The following AP3B2 variants were observed in gnomAD, a reference collection of about 807,000 sequenced individuals.
AP3B2 encodes AP-3 complex subunit beta-2.
In AP3B2, 50 loss-of-function variants were observed where a neutral mutation model predicts 126.9. The observed-to-expected ratio is 0.39, with a 90% CI of 0.31 to 0.50. AP3B2 has a LOEUF of 0.50. Among genes scored for constraint, AP3B2 ranks in the 20% least tolerant of loss-of-function variants. The pLI, the probability that AP3B2 is intolerant of heterozygous loss-of-function variation, is 0.79. For missense variants in AP3B2, 1,177 were observed against 1,426.4 expected, an observed-to-expected ratio of 0.83 and a Z score of 2.82; for synonymous variants, 541 against 565.0, an observed-to-expected ratio of 0.96 and a Z score of 0.60.
rs1441573159 is a variant in AP3B2 at position 82,659,679 on chromosome 15, G to T, written c.3187C>A (p.Leu1063Ile). 33 of 1,613,818 alleles carry T rather than the reference G, an allele frequency of 2.0e-5. No individual in the cohort carries two copies. Among genetic ancestry groups the T allele is most frequent in the Non-Finnish European group, 2.6e-5 (31 of 1,179,872 alleles). ...FAGRTLTGGS[L>I]VLLTLDARPA... ...CGGGCATCCAGGGTCAGCAGAACGA[G>T]GCTTCCACCAGTCAGTGTCCTCCCT... The change falls in exon 27 of 27, where the codon CTC (leucine) becomes ATC (isoleucine). Residue 1063 changes from leucine to isoleucine, a missense_variant. By Grantham distance (5) the Leu-to-Ile change is conservative. Transcript: ENST00000535359.
At chr15:82,679,887 C>A in intron 9 of AP3B2, 87 bp from the exon 10 acceptor site, 1 of 1,258,976 alleles carries the variant, frequency 7.9e-7, no homozygotes, top group Non-Finnish European at 1.1e-6. Flanking sequence ...CCTGACCCAG[C>A]GCCCAGGATC....
In AP3B2 at chr15:82,661,895, G is replaced by A. The variant is rs1292562621; in HGVS notation, c.2946C>T (p.Ser982=). The A allele has an allele frequency of 6.2e-7, 1 of 1,613,934 alleles. No homozygotes were observed. Among genetic ancestry groups the A allele is most frequent in the Non-Finnish European group, 8.5e-7 (1 of 1,179,874 alleles). ...TCAGCTCCCCAACAGGTGGCTGAAT[G>A]GAGACGTAGAACTGTCGGGTCTGGG... ...LCTQTRQFYV[S]IQPPVGELMA... is the part of the protein sequence containing the mutation. The change falls in exon 25 of 27, where the codon TCC becomes TCT. Residue 982 remains serine (S), a synonymous_variant. Coordinates refer to ENST00000535359, the MANE Select transcript of AP3B2 (RefSeq NM_001278512.2).
At chr15:82,705,253 G>A (rs1596200558) in intron 1 of AP3B2, among the ~76,000 whole-genome samples, 1 of 151,274 alleles carries the variant, frequency 6.6e-6, no homozygotes, top group Non-Finnish European at 1.5e-5. Flanking sequence ...CCCCCAGCAG[G>A]CTTTAAAAGG....
intron 14 of AP3B2, among the ~76,000 whole-genome samples, chr15:82,669,827 C>A (rs2048118164): frequency 6.6e-6 from 1 of 150,738 alleles, no homozygotes; most frequent in South Asian, 2.1e-4. Context: ...CATGGAGAAA[C>A]CCTGTCTCTA....
At chr15:82,696,413 A>C (rs1055396782) in intron 1 of AP3B2, among the ~76,000 whole-genome samples, 1 of 152,118 alleles carries the variant, frequency 6.6e-6, no homozygotes, top group Non-Finnish European at 1.5e-5. Flanking sequence ...CCCCATCCCT[A>C]CTAAAATTAC....
At chr15:82,694,571 G>T (rs12438312) in intron 1 of AP3B2, among the ~76,000 whole-genome samples, 1 of 151,532 alleles carries the variant, frequency 6.6e-6, no homozygotes, top group Admixed American at 6.6e-5. Context: ...TGTAGTCACA[G>T]CTACTCAGGA....
chr15:82,664,712 C>T lies in AP3B2; in HGVS notation c.2137+123G>A, dbSNP rs2151429199. The T allele has an allele frequency of 8.6e-6, 8 of 934,034 alleles. No individual in the cohort carries two copies. The South Asian group carries it at 1.1e-4, about 13-fold the overall frequency. The allele number at this position is 934,034 out of a possible 1,614,324, so 57.9% of individuals were successfully genotyped here. ...CTGGAACATGAATCCCTCAGGTGCA[C>T]AAACAATTCACAAGCAGGTGCACAC... On this transcript the variant is annotated intron_variant, in intron 18 of 26. Coordinates refer to ENST00000535359, the MANE Select transcript of AP3B2 (RefSeq NM_001278512.2). The surrounding 1 kb of genome is among the most constrained non-coding windows in gnomAD (Gnocchi z 4.5).
chr15:82,700,397 C>CCTTTTTTTTTTTTTTTTTTT (rs2048699907), intron 1 of AP3B2, among the ~76,000 whole-genome samples: 1 of 35,086 alleles, frequency 2.9e-5, no homozygotes, highest in Non-Finnish European at 5.1e-5. Flanking sequence ...TGGTGGGTGG[C>CCTTTTTTTTTTTTTTTTTTT]TTTTTTTTTT....
intron 1 of AP3B2, among the ~76,000 whole-genome samples, chr15:82,696,235 A>G (rs1186103627): frequency 2.0e-5 from 3 of 152,212 alleles, no homozygotes; most frequent in Non-Finnish European, 4.4e-5. Flanking sequence ...TCAGCCCATA[A>G]TAGCAACAAA....
At chr15:82,709,543 C>T in intron 1 of AP3B2, 51 bp downstream of exon 1, 1 of 1,348,954 alleles carries the variant, frequency 7.4e-7, no homozygotes, top group African/African-American at 1.5e-5. Flanking sequence ...GCGCGCCTCG[C>T]CCGGTCCCCG....
At chr15:82,687,740 C>T (rs2048454662) in intron 4 of AP3B2, 1 of 152,222 alleles carries the variant, frequency 6.6e-6, no homozygotes, top group Non-Finnish European at 1.5e-5. Flanking sequence ...CCTGTCTACC[C>T]AGCAACCTAC....
Position 82,662,254 on chromosome 15 carries a change from TG to T in AP3B2, c.2834-3del. The T allele has an allele frequency of 6.3e-7, 1 of 1,592,130 alleles. No homozygotes were observed. The highest frequency in any genetic ancestry group is 8.6e-7 in the Non-Finnish European group (1 of 1,168,460). ...CAGATTCTCCAGGTGCCAGGGACTC[TG>T]AAGTGGTATAAGGCAGTGAAGGGGA... is the stretch of plus-strand genomic sequence containing the variant. On this transcript the variant is annotated splice_region_variant and splice_polypyrimidine_tract_variant and intron_variant, in intron 23 of 26. Coordinates refer to ENST00000535359, the MANE Select transcript of AP3B2 (RefSeq NM_001278512.2).
chr15:82,682,672 G>T (rs796499407), intron 4 of AP3B2, among the ~76,000 whole-genome samples: 21 of 150,492 alleles, frequency 1.4e-4, no homozygotes, highest in African/African-American at 4.7e-4. Context: ...AGCTACATAT[G>T]TTCATGCCAC....
chr15:82,663,110 T>G lies in AP3B2; in HGVS notation c.2604+17A>C. 6.3e-7 allele frequency: 1 copy of G among 1,596,748 alleles called. No homozygotes were observed. Among genetic ancestry groups the G allele is most frequent in the Non-Finnish European group, 8.5e-7 (1 of 1,170,506 alleles). ...GTGTCCCTGCCCCAGCCCGGTCCCC[T>G]CCTCCATCCCACTCACCGACGGTAC... On this transcript the variant is annotated intron_variant, in intron 22 of 26. Transcript: ENST00000535359.
Position 82,662,733 on chromosome 15 carries a change from G to A in AP3B2, c.2794C>T (p.Leu932=). Residue 932 remains leucine (L), a synonymous_variant, in exon 23 of 27, where the codon CTG becomes TTG. Transcript: ENST00000535359. ...TCTTGGATGCTGATGCCAGCAGGCA[G>A]TTTGGGAGTGCCCACATGCAGGCCC... ...IKGLHVGTPK[L]PAGISIQEFP... 1 of 1,613,886 alleles carries A rather than the reference G, an allele frequency of 6.2e-7. No homozygotes were observed. The highest frequency in any genetic ancestry group is 8.5e-7 in the Non-Finnish European group (1 of 1,179,850).
chr15:82,662,954 G>C (rs1413254308), intron 22 of AP3B2, 32 bp from the exon 23 acceptor site: 4 of 1,591,528 alleles, frequency 2.5e-6, no homozygotes, highest in African/African-American at 2.7e-5. Context: ...GGACAGAACT[G>C]AGCAAGATGG....
intron 1 of AP3B2, among the ~76,000 whole-genome samples, chr15:82,694,369 C>T (rs748308861): frequency 5.3e-5 from 8 of 151,356 alleles, no homozygotes; most frequent in Non-Finnish European, 7.4e-5. Flanking sequence ...GGCAACTATA[C>T]TAGCTTCCTA....
At chr15:82,677,141 G>A in intron 13 of AP3B2, 133 bp downstream of exon 13, 1 of 768,684 alleles carries the variant, frequency 1.3e-6, no homozygotes. Context: ...ATGGTCCAGT[G>A]TCTCTGCTCC....
In AP3B2 at chr15:82,663,220, A is replaced by G. The variant is rs201548330; in HGVS notation, c.2511T>C (p.Ser837=). The change falls in exon 22 of 27, where the codon AGT becomes AGC. Residue 837 remains serine (S), a synonymous_variant. Transcript: ENST00000535359. ...LLDLEDFTPP[S]VQPVSPPAIV... is the part of the protein sequence containing the mutation. ...TTGCTGGGGGAGACACAGGCTGGACACTGGGAGGGGTGACTGTGGGAGTAG... is the reference window on the plus strand; with the variant it reads ...TTGCTGGGGGAGACACAGGCTGGACGCTGGGAGGGGTGACTGTGGGAGTAG... 8.6e-5 allele frequency: 138 copies of G among 1,612,778 alleles called. No homozygotes were observed. Among genetic ancestry groups the G allele is most frequent in the Non-Finnish European group, 1.1e-4 (129 of 1,179,584 alleles).
Sources: gnomAD v4.1 joint callset for allele counts (sites outside exome capture counted in the v4.1 genomes callset) on GRCh38, gnomAD v4.1.1 for gene constraint, Gnocchi (gnomAD v3.1) non-coding constraint, MANE v1.5 for transcripts, NCBI Gene and HGNC (gene_info 2026-07-23, HGNC 2026-07-21) for gene names.